DEFB108B: variants seen among roughly 807,000 people sequenced by gnomAD.
DEFB108B encodes the protein defensin beta 108B.
In DEFB108B, 3 loss-of-function variants were observed where a neutral mutation model predicts 2.4. The ratio of observed to expected loss-of-function variants is 1.25; its 90% CI spans 0.57 to 3.24. DEFB108B has a LOEUF of 3.24. Ranked by LOEUF, DEFB108B falls within the 30% of genes most tolerant of loss-of-function variation. The probability of loss-of-function intolerance (pLI) is 0.03; values close to 1 mark genes in which losing one functional copy is unlikely to be tolerated. For missense variants in DEFB108B, 101 were observed against 87.8 expected, an observed-to-expected ratio of 1.15 and a Z score of -0.60; for synonymous variants, 25 against 28.7, an observed-to-expected ratio of 0.87 and a Z score of 0.41.
At chr11:71,834,986 T>C (rs1952206747) in intron 1 of DEFB108B, 1 of 152,202 alleles carries the variant, frequency 6.6e-6, no homozygotes, top group Non-Finnish European at 1.5e-5. Context: ...AAAGAACAAA[T>C]GAAAACAAAA....
At chr11:71,836,098 A>G (rs1336390699) in intron 1 of DEFB108B, among the ~76,000 whole-genome samples, 5 of 152,232 alleles carry the variant, frequency 3.3e-5, no homozygotes, top group Non-Finnish European at 5.9e-5. Context: ...GGGCTTGGGT[A>G]CTACTATACG....
chr11:71,835,473 T>C (rs1167687782), intron 1 of DEFB108B, among the ~76,000 whole-genome samples: 1 of 152,252 alleles, frequency 6.6e-6, no homozygotes, highest in Non-Finnish European at 1.5e-5. Context: ...ACATTTGCTT[T>C]ATTCAATCCA....
chr11:71,834,497 T>C (rs1952202404), intron 1 of DEFB108B, among the ~76,000 whole-genome samples: 3 of 152,240 alleles, frequency 2.0e-5, no homozygotes, highest in Admixed American at 1.3e-4. Flanking sequence ...GTTTTCATTG[T>C]CACTCAATCA....
chr11:71,833,402 T>G, intron 1 of DEFB108B, 145 bp downstream of exon 1: 1 of 1,333,040 alleles, frequency 7.5e-7, no homozygotes, highest in Non-Finnish European at 1.0e-6. Context: ...CCTGCAGCCA[T>G]CTAATTCATT....
Position 71,837,444 on chromosome 11 carries a change from G to A in DEFB108B, c.104G>A (p.Cys35Tyr). ...KEICERPNGS[C>Y]RDFCLETEIH... ...ATCTGTGAACGTCCAAATGGCTCCTGTCGGGACTTTTGCCTTGAAACAGAA... is the reference window on the plus strand; with the variant it reads ...ATCTGTGAACGTCCAAATGGCTCCTATCGGGACTTTTGCCTTGAAACAGAA... Residue 35 changes from cysteine (C) to tyrosine (Y), a missense_variant, in exon 2 of 2, where the codon TGT (cysteine) becomes TAT (tyrosine). Coordinates refer to ENST00000328698, the MANE Select transcript of DEFB108B (RefSeq NM_001002035.2). The A allele has an allele frequency of 1.9e-6, 3 of 1,612,012 alleles. No individual in the cohort carries two copies. Among genetic ancestry groups the A allele is most frequent in the Non-Finnish European group, 2.5e-6 (3 of 1,179,848 alleles).
At chr11:71,836,438 G>T (rs1250442249) in intron 1 of DEFB108B, among the ~76,000 whole-genome samples, 1 of 151,700 alleles carries the variant, frequency 6.6e-6, no homozygotes, top group South Asian at 2.1e-4. Flanking sequence ...ATTGGCTTTT[G>T]TGTTCCAGAA....
intron 1 of DEFB108B, among the ~76,000 whole-genome samples, chr11:71,834,475 AT>A (rs984381023): frequency 1.3e-5 from 2 of 152,068 alleles, no homozygotes; most frequent in African/African-American, 4.8e-5. Context: ...GGATAAACAA[AT>A]TTTTTTTGTT....
intron 1 of DEFB108B, chr11:71,834,595 AC>A (rs1952203080): frequency 6.6e-6 from 1 of 152,226 alleles, no homozygotes; most frequent in Admixed American, 6.5e-5. Flanking sequence ...GGAGAAGAAA[AC>A]ACAGGATGGT....
At position 71,837,597 on chromosome 11, in the gene DEFB108B, T is replaced by C. The variant is rs1952232050; in HGVS notation, c.*35T>C. 6.3e-7 allele frequency: 1 copy of C among 1,599,226 alleles called. No individual in the cohort carries two copies. Among genetic ancestry groups the C allele is most frequent in the African/African-American group, 1.3e-5 (1 of 74,226 alleles). On this transcript the variant is annotated 3_prime_UTR_variant, in exon 2 of 2. Transcript: ENST00000328698. ...TTTTCTGGAGGTTTTATGTTCTCTTTTTTCTCTCTCCCTCTCTCTGTCTCC... is the reference window on the plus strand; with the variant it reads ...TTTTCTGGAGGTTTTATGTTCTCTTCTTTCTCTCTCCCTCTCTCTGTCTCC...
In DEFB108B at chr11:71,837,436, T is replaced by C. The variant is rs367553368; in HGVS notation, c.96T>C (p.Asn32=). Residue 32 remains asparagine (N), a synonymous_variant, in exon 2 of 2, where the codon AAT becomes AAC. Transcript: ENST00000328698. ...GKFKEICERP[N]GSCRDFCLET... is the part of the protein sequence containing the mutation. ...TCAAGGAGATCTGTGAACGTCCAAA[T>C]GGCTCCTGTCGGGACTTTTGCCTTG... The C allele has an allele frequency of 1.6e-5, 26 of 1,611,892 alleles. No individual in the cohort carries two copies. Among genetic ancestry groups the C allele is most frequent in the African/African-American group, 4.0e-5 (3 of 74,860 alleles).
At chr11:71,835,409 G>T (rs1945052) in intron 1 of DEFB108B, among the ~76,000 whole-genome samples, 41 of 152,076 alleles carry the variant, frequency 2.7e-4, no homozygotes, top group African/African-American at 9.2e-4. Flanking sequence ...TACTGAAAAA[G>T]ACACAGTTTT....
chr11:71,835,897 T>C (rs1476104824), intron 1 of DEFB108B, among the ~76,000 whole-genome samples: 1 of 152,204 alleles, frequency 6.6e-6, no homozygotes, highest in Non-Finnish European at 1.5e-5. Flanking sequence ...CCTCAAGAAA[T>C]TCATTATCAA....
chr11:71,835,537 G>T (rs941326677), intron 1 of DEFB108B, among the ~76,000 whole-genome samples: 12 of 152,164 alleles, frequency 7.9e-5, no homozygotes, highest in African/African-American at 2.9e-4. Context: ...GAATACCACT[G>T]TGATGAACAT....
At chr11:71,835,484 C>A (rs1952210588) in intron 1 of DEFB108B, among the ~76,000 whole-genome samples, 1 of 152,180 alleles carries the variant, frequency 6.6e-6, no homozygotes, top group Non-Finnish European at 1.5e-5. Context: ...ATTCAATCCA[C>A]TGTTGATGAA....
Position 71,835,914 on chromosome 11 carries a change from A to G in DEFB108B, c.59-1485A>G, listed in dbSNP as rs1318909054. ...TCAAGAAATTCATTATCAAGAATTG[A>G]GGTCAGATGAGAAAACACCACCCGT... On this transcript the variant is annotated intron_variant, in intron 1 of 1. Transcript: ENST00000328698. Among the ~76,000 whole-genome samples, 6 of 152,362 alleles carry G rather than the reference A, an allele frequency of 3.9e-5. No homozygotes were observed. In the East Asian group the frequency reaches 1.2e-3, roughly 29 times the overall value.
chr11:71,836,944 T>TTG (rs753040143), intron 1 of DEFB108B: 3,729 of 115,748 alleles, frequency 0.032, 150 homozygotes, highest in African/African-American at 0.097. Flanking sequence ...GAGTGTGTGT[T>TTG]TGTGTGTGTG....
chr11:71,837,131 T>C (rs1952226151), intron 1 of DEFB108B: 1 of 443,942 alleles, frequency 2.3e-6, no homozygotes, highest in Non-Finnish European at 4.2e-6. Flanking sequence ...GCTCTAGAAC[T>C]TGTAAAGGGG....
chr11:71,836,731 T>A (rs1952221290), intron 1 of DEFB108B, among the ~76,000 whole-genome samples: 1 of 152,172 alleles, frequency 6.6e-6, no homozygotes, highest in African/African-American at 2.4e-5. Flanking sequence ...CAACCTCAAA[T>A]ACCCGTGCCA....
At chr11:71,833,446 A>G (rs187201483) in intron 1 of DEFB108B, among the ~76,000 whole-genome samples, 189 bp downstream of exon 1, 109 of 152,362 alleles carry the variant, frequency 7.2e-4, no homozygotes, top group African/African-American at 2.6e-3. Context: ...AATGAAGTCA[A>G]TGGTGTTTCA....
Sources: gnomAD v4.1 joint callset for allele counts (sites outside exome capture counted in the v4.1 genomes callset) on GRCh38, gnomAD v4.1.1 for gene constraint, MANE v1.5 for transcripts, NCBI Gene and HGNC (gene_info 2026-07-23, HGNC 2026-07-21) for gene names.